Variants in PABPC4L observed in about 807,000 individuals in gnomAD.
PABPC4L encodes poly(A) binding protein cytoplasmic 4 like.
For missense variants in PABPC4L, 452 were observed against 451.4 expected, an observed-to-expected ratio of 1.00 and a Z score of -0.01; for synonymous variants, 169 against 164.1, an observed-to-expected ratio of 1.03 and a Z score of -0.23.
chr4:134,016,605 C>G, the PABPC4L span, among the ~76,000 whole-genome samples: 1 of 152,168 alleles, frequency 6.6e-6, no homozygotes, highest in Non-Finnish European at 1.5e-5. Context: ...GAAACTTCCA[C>G]CTATCAATCT....
At chr4:134,073,413 G>A in the PABPC4L span, among the ~76,000 whole-genome samples, 3 of 152,182 alleles carry the variant, frequency 2.0e-5, no homozygotes, top group Admixed American at 2.0e-4. Context: ...ATGGCCTTGG[G>A]CAGCTCTGCC....
chr4:134,028,778 C>A, the PABPC4L span, among the ~76,000 whole-genome samples: 5 of 152,124 alleles, frequency 3.3e-5, no homozygotes, highest in East Asian at 9.6e-4. Context: ...CTCATTAGCA[C>A]TCCTGTGCAG....
chr4:134,091,684 G>A, the PABPC4L span, among the ~76,000 whole-genome samples: 11 of 151,624 alleles, frequency 7.3e-5, no homozygotes, highest in East Asian at 1.6e-3. Flanking sequence ...ACATTGTCAA[G>A]AATAAATAAA....
At chr4:133,992,865 G>A in the PABPC4L span, among the ~76,000 whole-genome samples, 2,424 of 152,188 alleles carry the variant, frequency 0.016, 67 homozygotes, top group African/African-American at 0.055. Context: ...GGTGATGTTC[G>A]GGGCTTGTGT....
At chr4:134,110,439 T>C in the PABPC4L span, among the ~76,000 whole-genome samples, 3 of 151,942 alleles carry the variant, frequency 2.0e-5, no homozygotes, top group Non-Finnish European at 4.4e-5. Flanking sequence ...ATTTTTTTCT[T>C]AGAAAATAGG....
At chr4:134,173,269 A>T in the PABPC4L span, among the ~76,000 whole-genome samples, 1 of 152,012 alleles carries the variant, frequency 6.6e-6, no homozygotes, top group Admixed American at 6.6e-5. Flanking sequence ...TCAAAGAGAT[A>T]TTTGCACTGC....
chr4:134,195,280 T>A (rs1178349851), downstream of PABPC4L, among the ~76,000 whole-genome samples: 1 of 151,780 alleles, frequency 6.6e-6, no homozygotes, highest in African/African-American at 2.4e-5. Context: ...AAGGAATTAA[T>A]ATTGGCTGCC....
chr4:134,020,164 C>T, the PABPC4L span, among the ~76,000 whole-genome samples: 4 of 151,968 alleles, frequency 2.6e-5, no homozygotes, highest in Non-Finnish European at 5.9e-5. Context: ...CAGGGTGAGT[C>T]CGCAGTGCAA....
chr4:133,948,630 A>G, the PABPC4L span, among the ~76,000 whole-genome samples: 1 of 152,190 alleles, frequency 6.6e-6, no homozygotes, highest in South Asian at 2.1e-4. Context: ...AGACTTTTGC[A>G]AGTCTTATTT....
At chr4:134,155,076 G>A in the PABPC4L span, among the ~76,000 whole-genome samples, 12 of 151,938 alleles carry the variant, frequency 7.9e-5, no homozygotes, top group South Asian at 1.7e-3. Flanking sequence ...CAATTCATAT[G>A]GCACAAATGG....
chr4:134,048,536 T>C, the PABPC4L span, among the ~76,000 whole-genome samples: 10 of 152,140 alleles, frequency 6.6e-5, no homozygotes, highest in Non-Finnish European at 1.3e-4. Flanking sequence ...AGAAACTCTA[T>C]AGTATATCAC....
the PABPC4L span, among the ~76,000 whole-genome samples, chr4:134,094,972 G>T: frequency 6.6e-6 from 1 of 151,580 alleles, no homozygotes; most frequent in Non-Finnish European, 1.5e-5. Flanking sequence ...AATTTTATAT[G>T]AAAAACAAAG....
At chr4:134,039,355 T>G in the PABPC4L span, among the ~76,000 whole-genome samples, 1 of 152,158 alleles carries the variant, frequency 6.6e-6, no homozygotes, top group East Asian at 1.9e-4. Flanking sequence ...GGTCCAAAGC[T>G]GAGTTAAAGT....
At chr4:134,195,414 A>C (rs531434770), downstream of PABPC4L, among the ~76,000 whole-genome samples, 1 of 151,800 alleles carries the variant, frequency 6.6e-6, no homozygotes, top group South Asian at 2.1e-4. Context: ...AAAACAAAAA[A>C]TGAATTATGA....
chr4:134,152,531 A>G, the PABPC4L span, among the ~76,000 whole-genome samples: 580 of 152,152 alleles, frequency 3.8e-3, 2 homozygotes, highest in African/African-American at 0.013. Context: ...TCCGAAACCT[A>G]GGTGAATGTT....
chr4:134,025,224 T>C, the PABPC4L span, among the ~76,000 whole-genome samples: 2 of 149,354 alleles, frequency 1.3e-5, no homozygotes, highest in African/African-American at 2.5e-5. Context: ...TCCCAGCTAC[T>C]TGGGAGGCTG....
chr4:134,118,613 A>T, the PABPC4L span, among the ~76,000 whole-genome samples: 1 of 151,960 alleles, frequency 6.6e-6, no homozygotes, highest in Non-Finnish European at 1.5e-5. Context: ...ATAGGTAAAA[A>T]AAAAATCAAT....
At chr4:134,122,076 A>G in the PABPC4L span, among the ~76,000 whole-genome samples, 1 of 151,804 alleles carries the variant, frequency 6.6e-6, no homozygotes, top group Admixed American at 6.6e-5. Flanking sequence ...GTTTGGATTG[A>G]CACAACTACA....
At chr4:133,960,941 CATA>C in the PABPC4L span, among the ~76,000 whole-genome samples, 2 of 152,126 alleles carry the variant, frequency 1.3e-5, no homozygotes, top group Non-Finnish European at 2.9e-5. Flanking sequence ...CTCAGACACA[CATA>C]GCCGTGCCCT....
Sources: gnomAD v4.1 joint callset for allele counts (sites outside exome capture counted in the v4.1 genomes callset) on GRCh38, gnomAD v4.1.1 for gene constraint, MANE v1.5 for transcripts, NCBI Gene and HGNC (gene_info 2026-07-23, HGNC 2026-07-21) for gene names.